The following RTN1 variants were observed in gnomAD, a reference collection of about 807,000 sequenced individuals.
RTN1 encodes the protein reticulon-1.
RTN1 carries 25 observed loss-of-function variants against 65.5 expected under a neutral mutation model. That is an observed-to-expected ratio of 0.38 (90% CI 0.28 to 0.53). RTN1 has a LOEUF of 0.53. Among genes scored for constraint, RTN1 ranks in the 20% least tolerant of loss-of-function variants. The pLI is 0.79. For missense variants in RTN1, 983 were observed against 1,025.4 expected, an observed-to-expected ratio of 0.96 and a Z score of 0.57; for synonymous variants, 471 against 447.6, an observed-to-expected ratio of 1.05 and a Z score of -0.66.
At chr14:59,696,766 A>G (rs1047856366) in intron 3 of RTN1, among the ~76,000 whole-genome samples, 1 of 152,186 alleles carries the variant, frequency 6.6e-6, no homozygotes, top group Non-Finnish European at 1.5e-5. Flanking sequence ...AAGATAGAGG[A>G]GTCTCTTACA....
chr14:59,661,933 T>C (rs2140207671), intron 3 of RTN1, among the ~76,000 whole-genome samples: 1 of 152,256 alleles, frequency 6.6e-6, no homozygotes, highest in East Asian at 1.9e-4. Flanking sequence ...ATAAAGCGTA[T>C]TCAATTAGGA....
chr14:59,629,000 G>A (rs1167145995), intron 3 of RTN1, among the ~76,000 whole-genome samples: 1 of 152,148 alleles, frequency 6.6e-6, no homozygotes, highest in Admixed American at 6.5e-5. Flanking sequence ...TGTTTGTCAG[G>A]TGTGTATATC....
At chr14:59,663,603 C>T (rs1478668561) in intron 3 of RTN1, among the ~76,000 whole-genome samples, 1 of 151,170 alleles carries the variant, frequency 6.6e-6, no homozygotes, top group Non-Finnish European at 1.5e-5. Context: ...GGCTAATATC[C>T]AGAATCTACA....
intron 3 of RTN1, among the ~76,000 whole-genome samples, chr14:59,714,583 AC>A (rs1884494877): frequency 6.6e-6 from 1 of 152,200 alleles, no homozygotes; most frequent in African/African-American, 2.4e-5. Context: ...CCCAGATGTA[AC>A]CCATATCATC....
At chr14:59,781,307 A>G (rs1240859548) in intron 1 of RTN1, among the ~76,000 whole-genome samples, 2 of 152,060 alleles carry the variant, frequency 1.3e-5, no homozygotes, top group Non-Finnish European at 2.9e-5. Context: ...TGTAGAATTT[A>G]ATACTGTTAT....
rs1309112592 is a variant in RTN1, at chr14:59,829,690, G to C, written c.241+40700C>G. On this transcript the variant is annotated intron_variant, in intron 1 of 8. Coordinates refer to ENST00000267484, the MANE Select transcript of RTN1 (RefSeq NM_021136.3). This position sits in a 1 kb window ranked among gnomAD's most constrained non-coding sequence, Gnocchi z 4.3. Reference sequence around the variant, plus strand: ...CTGCTCTCCACAGTCCTCACACAGGGAGCAGGCAGAGGGAGGCCCCACTCC... The same window carrying C: ...CTGCTCTCCACAGTCCTCACACAGGCAGCAGGCAGAGGGAGGCCCCACTCC... Among the ~76,000 whole-genome samples the C allele has an allele frequency of 6.6e-6, 1 of 152,198 alleles. No homozygotes were observed. The highest frequency in any genetic ancestry group is 2.4e-5 in the African/African-American group (1 of 41,452).
intron 1 of RTN1, among the ~76,000 whole-genome samples, chr14:59,777,342 A>G (rs944746380): frequency 1.3e-5 from 2 of 152,098 alleles, no homozygotes; most frequent in African/African-American, 2.4e-5. Flanking sequence ...GTACCCCTCA[A>G]CACTTCCTCT....
Position 59,746,464 on chromosome 14 carries a change from T to A in RTN1, c.259A>T (p.Ser87Cys), listed in dbSNP as rs201516762. 169 of 1,588,182 alleles carry A rather than the reference T, an allele frequency of 1.1e-4. 1 individual carries two copies. The East Asian group carries it at 3.5e-3, about 33-fold the overall frequency. The change falls in exon 2 of 9, where the codon AGT becomes TGT. Residue 87 changes from serine (S) to cysteine (C), a missense_variant. Ser to Cys is a moderately radical substitution (Grantham distance 112, BLOSUM62 -1). Coordinates refer to ENST00000267484, the MANE Select transcript of RTN1 (RefSeq NM_021136.3). ...TASTGVAGVS[S>C]AMDHTFSTTS... ...GTTGAGAAGGTGTGGTCCATGGCAC[T>A]GGAAACACCTGCCACACCTATGAAT...
chr14:59,671,461 C>T (rs1430498010), intron 3 of RTN1, among the ~76,000 whole-genome samples: 10 of 152,168 alleles, frequency 6.6e-5, no homozygotes, highest in African/African-American at 2.2e-4. Flanking sequence ...GTGATACCAA[C>T]AATCGCACAT....
intron 1 of RTN1, among the ~76,000 whole-genome samples, chr14:59,842,681 T>G (rs1887335704): frequency 6.6e-6 from 1 of 152,216 alleles, no homozygotes; most frequent in Non-Finnish European, 1.5e-5. Flanking sequence ...TATGAATAGT[T>G]ATGTGGTTTT....
chr14:59,624,465 C>CT lies in RTN1; in HGVS notation c.1766-16974dup, dbSNP rs113013375. On this transcript the variant is annotated intron_variant, in intron 3 of 8. Transcript: ENST00000267484. ...TCTTTGAATGGCTGTATTTTCTTTT[C>CT]TTTTTTTTTTTTTTGAGACGGCGTC... Among the ~76,000 whole-genome samples the CT allele has an allele frequency of 4.5e-3, 641 of 141,970 alleles. 1 individual carries two copies. Among genetic ancestry groups the CT allele is most frequent in the Middle Eastern group, 7.2e-3 (2 of 276 alleles). 93.1% of individuals were successfully genotyped at this position (141,970 alleles called of 152,430 possible).
At chr14:59,860,446 G>A (rs947715013) in intron 1 of RTN1, among the ~76,000 whole-genome samples, 5 of 152,182 alleles carry the variant, frequency 3.3e-5, no homozygotes, top group East Asian at 1.9e-4. Flanking sequence ...TGCAGGGGTG[G>A]GGCTCTCAGG....
Position 59,727,304 on chromosome 14 carries a change from G to A in RTN1, c.1380C>T (p.Ala460=), listed in dbSNP as rs563678292. 4.0e-6 allele frequency: 6 copies of A among 1,494,186 alleles called. No individual in the cohort carries two copies. The South Asian group carries it at 5.3e-5, about 13-fold the overall frequency. The allele number at this position is 1,494,186 out of a possible 1,614,324, so 92.6% of individuals were successfully genotyped here. Residue 460 remains alanine (A), a synonymous_variant, in exon 3 of 9, where the codon GCC becomes GCT. Transcript: ENST00000267484. The surrounding 1 kb of genome is among the most constrained non-coding windows in gnomAD (Gnocchi z 4.2). ...CGATGATGAGCTCGCTGTCCAGCTC[G>A]GCCTCGCGCTCCTCCCTCAGGATGC... is the stretch of plus-strand genomic sequence containing the variant. ...QYSILREERE[A]ELDSELIIES... is the part of the protein sequence containing the mutation.
intron 3 of RTN1, among the ~76,000 whole-genome samples, chr14:59,686,989 C>G (rs117997592): frequency 0.012 from 1,832 of 152,282 alleles, 24 homozygotes; most frequent in Non-Finnish European, 0.018. Context: ...GGGTAGTGGC[C>G]TCTGCAACCA....
intron 1 of RTN1, among the ~76,000 whole-genome samples, chr14:59,749,916 C>G (rs1331053613): frequency 9.2e-6 from 1 of 109,042 alleles, no homozygotes; most frequent in African/African-American, 3.5e-5. Context: ...GGGAATCAAC[C>G]TCTTCCTCCT....
Position 59,625,099 on chromosome 14 carries a change from GGAAA to G in RTN1, c.1766-17611_1766-17608del, listed in dbSNP as rs773826742. On this transcript the variant is annotated intron_variant, in intron 3 of 8. Coordinates refer to ENST00000267484, the MANE Select transcript of RTN1 (RefSeq NM_021136.3). ...AAATATAAGGGAGGGAGGGAAGGAG[GGAAA>G]GAGAGACTTTTTAAAAATGATGAAG... 5.9e-5 allele frequency among the ~76,000 whole-genome samples: 9 copies of G among 152,040 alleles called. No homozygotes were observed. The South Asian group carries it at 1.2e-3, about 21-fold the overall frequency.
At chr14:59,720,631 G>A (rs1884626899) in intron 3 of RTN1, among the ~76,000 whole-genome samples, 2 of 151,636 alleles carry the variant, frequency 1.3e-5, no homozygotes, top group African/African-American at 4.8e-5. Context: ...GCTGAAGCAG[G>A]AGAATTGCTT....
intron 1 of RTN1, among the ~76,000 whole-genome samples, chr14:59,761,608 G>A (rs1308247661): frequency 6.6e-6 from 1 of 152,142 alleles, no homozygotes; most frequent in Non-Finnish European, 1.5e-5. Context: ...GACTGAAGAA[G>A]ACCCTAGAAA....
intron 1 of RTN1, among the ~76,000 whole-genome samples, chr14:59,832,360 G>A (rs956276549): frequency 1.3e-5 from 2 of 151,658 alleles, no homozygotes; most frequent in Admixed American, 1.3e-4. Flanking sequence ...CTAGAATATG[G>A]CTGTGGTGCA....
Sources: allele counts gnomAD v4.1 joint callset (sites outside exome capture counted in the v4.1 genomes callset), GRCh38; gene constraint gnomAD v4.1.1; non-coding constraint Gnocchi (gnomAD v3.1); transcripts MANE v1.5; gene names NCBI Gene and HGNC (gene_info 2026-07-23, HGNC 2026-07-21).